The following TSTD2 variants were observed in gnomAD, a reference collection of about 807,000 sequenced individuals.
The protein encoded by TSTD2 is thiosulfate sulfurtransferase/rhodanese-like domain-containing protein 2.
Under a neutral mutation model 47.9 loss-of-function variants are expected in TSTD2, and 37 were observed. The ratio of observed to expected loss-of-function variants is 0.77; its 90% confidence interval spans 0.59 to 1.02. TSTD2 has a LOEUF of 1.02. Ranked by LOEUF, TSTD2 falls within the 50% of genes least tolerant of loss-of-function variation. TSTD2 has a pLI of 0.00. For synonymous variants in TSTD2, 201 were observed against 215.9 expected, an observed-to-expected ratio of 0.93 and a Z score of 0.61; for missense variants, 586 against 616.0, an observed-to-expected ratio of 0.95 and a Z score of 0.52.
Position 97,611,628 on chromosome 9 carries a change from T to G in TSTD2, c.675A>C (p.Glu225Asp). 6.2e-7 allele frequency: 1 copy of G among 1,611,242 alleles called. No individual in the cohort carries two copies. Among genetic ancestry groups the G allele is most frequent in the Non-Finnish European group, 8.5e-7 (1 of 1,177,498 alleles). The change falls in exon 5 of 10, where the codon GAA becomes GAC. Residue 225 changes from glutamate (E) to aspartate (D), a missense_variant. Glu to Asp is a conservative substitution (Grantham distance 45). Transcript: ENST00000341170. ...TAAACAATGGGAAGGAAAGCATGAC[T>G]TCCACATAAAGTCTGGTAGCCAATT... ...GSKLATRLYV[E>D]VMLSFPLFKD...
chr9:97,605,202 A>G (rs940225691), intron 8 of TSTD2, among the ~76,000 whole-genome samples: 1 of 152,240 alleles, frequency 6.6e-6, no homozygotes, highest in African/African-American at 2.4e-5. Context: ...TGCTCTTCTC[A>G]GGATCAAGCA....
At chr9:97,627,353 G>A (rs368470279) in intron 2 of TSTD2, 45 bp downstream of exon 2, 8 of 1,533,974 alleles carry the variant, frequency 5.2e-6, no homozygotes, top group Admixed American at 3.9e-5. Flanking sequence ...ATGTATCTGC[G>A]TTAACCACAC....
intron 3 of TSTD2, among the ~76,000 whole-genome samples, chr9:97,618,745 C>A (rs985345779): frequency 1.3e-5 from 2 of 152,168 alleles, no homozygotes; most frequent in African/African-American, 4.8e-5. Flanking sequence ...GGGAATGCTA[C>A]AGTACACGAC....
Position 97,611,674 on chromosome 9 carries a change from T to A in TSTD2, c.629A>T (p.Asn210Ile). ...GKIRIAAEGI[N>I]GTVGGSKLAT... ...CAATTTGCTTCCACCAACTGTCCCA[T>A]TGATTCCTTCTGCAGCAATTCGAAT... Residue 210 changes from asparagine (N) to isoleucine (I), a missense_variant, in exon 5 of 10, where the codon AAT becomes ATT. Coordinates refer to ENST00000341170, the MANE Select transcript of TSTD2 (RefSeq NM_139246.5). 6.2e-7 allele frequency: 1 copy of A among 1,610,786 alleles called. No homozygotes were observed. Among genetic ancestry groups the A allele is most frequent in the Non-Finnish European group, 8.5e-7 (1 of 1,177,132 alleles).
At position 97,612,662 on chromosome 9, in the gene TSTD2, TCTC is replaced by T. The variant is rs1236125624; in HGVS notation, c.604-966_604-964del. Among the ~76,000 whole-genome samples, 6 of 152,182 alleles carry T rather than the reference TCTC, an allele frequency of 3.9e-5. No homozygotes were observed. The East Asian group carries it at 1.2e-3, about 29-fold the overall frequency. On this transcript the variant is annotated intron_variant, in intron 4 of 9. Coordinates refer to ENST00000341170, the MANE Select transcript of TSTD2 (RefSeq NM_139246.5). ...CCTCCACCTCCTGGGTTCAAGCGATTCTCCTACCTCAGCCTCCTGAGTAGCTGG... is the reference window on the plus strand; with the variant it reads ...CCTCCACCTCCTGGGTTCAAGCGATTCTACCTCAGCCTCCTGAGTAGCTGG...
chr9:97,619,104 A>G (rs751941887), intron 3 of TSTD2, among the ~76,000 whole-genome samples: 5 of 152,216 alleles, frequency 3.3e-5, no homozygotes, highest in Non-Finnish European at 7.3e-5. Flanking sequence ...ACCGTCCTAT[A>G]TAACTCATTC....
intron 1 of TSTD2, among the ~76,000 whole-genome samples, chr9:97,629,394 C>T (rs991461405): frequency 6.6e-6 from 1 of 152,196 alleles, no homozygotes; most frequent in South Asian, 2.1e-4. Context: ...ATTAAGATGT[C>T]ACTTGCACCA....
chr9:97,620,634 C>T (rs1039190648), intron 3 of TSTD2, among the ~76,000 whole-genome samples: 12 of 152,306 alleles, frequency 7.9e-5, no homozygotes, highest in African/African-American at 2.9e-4. Context: ...CAATGAACTT[C>T]AGGCTGAGGT....
intron 1 of TSTD2, among the ~76,000 whole-genome samples, chr9:97,630,177 C>G (rs1441117835): frequency 6.6e-6 from 1 of 152,198 alleles, no homozygotes; most frequent in African/African-American, 2.4e-5. Flanking sequence ...ATATCCTACT[C>G]TAGCCACACT....
In TSTD2 at chr9:97,627,616, G is replaced by A. The variant is rs1005731853; in HGVS notation, c.-50-4C>T. ...ATTCCTTTCAGTTAAATACCTCCTA[G>A]AATATAAATAAGAAAGAAGCAGCCA... is the stretch of plus-strand genomic sequence containing the variant. On this transcript the variant is annotated splice_polypyrimidine_tract_variant and splice_region_variant and intron_variant, in intron 1 of 9. Transcript: ENST00000341170. The A allele has an allele frequency of 6.9e-7, 1 of 1,445,214 alleles. No individual in the cohort carries two copies. Among genetic ancestry groups the A allele is most frequent in the African/African-American group, 1.4e-5 (1 of 70,494 alleles). The allele number at this position is 1,445,214 out of a possible 1,614,324, so 89.5% of individuals were successfully genotyped here.
Position 97,628,867 on chromosome 9 carries a change from G to A in TSTD2, c.-50-1255C>T, listed in dbSNP as rs1406034598. On this transcript the variant is annotated intron_variant, in intron 1 of 9. Coordinates refer to ENST00000341170, the MANE Select transcript of TSTD2 (RefSeq NM_139246.5). ...CCACACACAGAGAACCAGGTGGAGA[G>A]GAACAGAGGCCTCCAGCTGACAGCC... 2.0e-5 allele frequency among the ~76,000 whole-genome samples: 3 copies of A among 152,262 alleles called. No individual in the cohort carries two copies. In the East Asian group the frequency reaches 5.8e-4, roughly 29 times the overall value.
At chr9:97,625,489 T>C (rs1263208424) in intron 3 of TSTD2, among the ~76,000 whole-genome samples, 192 bp downstream of exon 3, 1 of 152,170 alleles carries the variant, frequency 6.6e-6, no homozygotes, top group African/African-American at 2.4e-5. Flanking sequence ...GCCGAACACT[T>C]TTCCAAAGTG....
At chr9:97,620,956 T>C (rs1327400875) in intron 3 of TSTD2, among the ~76,000 whole-genome samples, 3 of 152,198 alleles carry the variant, frequency 2.0e-5, no homozygotes, top group East Asian at 1.9e-4. Context: ...GCATGAGTAA[T>C]GTGGAGCCAA....
chr9:97,622,989 G>A (rs956025664), intron 3 of TSTD2, among the ~76,000 whole-genome samples: 3 of 152,216 alleles, frequency 2.0e-5, no homozygotes, highest in Non-Finnish European at 4.4e-5. Context: ...TAAGACTTTG[G>A]AGACTGTTGG....
Position 97,617,775 on chromosome 9 carries a change from G to T in TSTD2, c.585C>A (p.His195Gln), listed in dbSNP as rs1826569955. 2.5e-6 allele frequency: 4 copies of T among 1,613,828 alleles called. No individual in the cohort carries two copies. In the Admixed American group the frequency reaches 5.0e-5, roughly 20 times the overall value. Residue 195 changes from histidine to glutamine, a missense_variant, in exon 4 of 10, where the codon CAC (histidine) becomes CAA (glutamine). Coordinates refer to ENST00000341170, the MANE Select transcript of TSTD2 (RefSeq NM_139246.5). ...GTGTTACCTTGCCTGTGAGGTGCAGGTGCTGACACAGAGCTGTCTGCCAGG... is the reference window on the plus strand; with the variant it reads ...GTGTTACCTTGCCTGTGAGGTGCAGTTGCTGACACAGAGCTGTCTGCCAGG... ...ICAWQTALCQ[H>Q]LHLTGKIRIA...
intron 4 of TSTD2, among the ~76,000 whole-genome samples, chr9:97,614,997 C>G (rs1826521141): frequency 6.6e-6 from 1 of 152,164 alleles, no homozygotes; most frequent in African/African-American, 2.4e-5. Flanking sequence ...AAACCCACTC[C>G]AAAAGAGTTT....
intron 3 of TSTD2, among the ~76,000 whole-genome samples, chr9:97,621,514 G>C (rs1214960049): frequency 1.3e-5 from 2 of 152,168 alleles, no homozygotes; most frequent in Non-Finnish European, 2.9e-5. Flanking sequence ...AAAATGAGTA[G>C]AAGAAATATC....
intron 7 of TSTD2, 45 bp from the exon 8 acceptor site, chr9:97,605,686 C>A: frequency 6.2e-7 from 1 of 1,612,762 alleles, no homozygotes; most frequent in South Asian, 1.1e-5. Flanking sequence ...GAAAAACATA[C>A]CTGGTAGGAA....
intron 3 of TSTD2, among the ~76,000 whole-genome samples, chr9:97,622,424 G>A (rs1826654578): frequency 6.6e-6 from 1 of 152,260 alleles, no homozygotes; most frequent in South Asian, 2.1e-4. Flanking sequence ...TGCTGCAGGG[G>A]CAGGGCCTTC....
Sources: gnomAD v4.1 joint callset for allele counts (sites outside exome capture counted in the v4.1 genomes callset) on GRCh38, gnomAD v4.1.1 for gene constraint, MANE v1.5 for transcripts, NCBI Gene and HGNC (gene_info 2026-07-23, HGNC 2026-07-21) for gene names.